The following MEIOC variants were observed in gnomAD, a reference collection of about 807,000 sequenced individuals.
The protein encoded by MEIOC is meiosis specific with coiled-coil domain.
MEIOC carries 9 observed loss-of-function variants against 85.3 expected under a neutral mutation model. The observed-to-expected ratio is 0.11, with a 90% CI of 0.06 to 0.18. The LOEUF (loss-of-function observed/expected upper bound fraction) is 0.18, where lower values mean the gene tolerates loss of function less well. Ranked by LOEUF, MEIOC falls within the 10% of genes least tolerant of loss-of-function variation. The pLI, the probability that MEIOC is intolerant of heterozygous loss-of-function variation, is 1.00. For synonymous variants in MEIOC, 365 were observed against 393.7 expected (o/e 0.93, Z 0.86); for missense variants, 898 against 1,129.4 (o/e 0.80, Z 2.94).
At chr17:44,672,645 C>A (rs979355917) in intron 6 of MEIOC, among the ~76,000 whole-genome samples, 2 of 152,168 alleles carry the variant, frequency 1.3e-5, no homozygotes, top group Admixed American at 6.5e-5. Context: ...TCAAAAAGTT[C>A]TCTTTCCATA....
At chr17:44,673,052 CTTAT>C (rs1972033008) in intron 6 of MEIOC, 1 of 234,032 alleles carries the variant, frequency 4.3e-6, no homozygotes, top group Non-Finnish European at 8.2e-6. Flanking sequence ...AGGCTGGTCT[CTTAT>C]TTGTCAAAAA....
rs1971923987 is a variant in MEIOC, at chr17:44,667,342, T to C, written c.1431T>C (p.Thr477=). The C allele has an allele frequency of 1.9e-6, 3 of 1,613,870 alleles. No individual in the cohort carries two copies. Among genetic ancestry groups the C allele is most frequent in the Non-Finnish European group, 2.5e-6 (3 of 1,179,854 alleles). ...SSGGINLNRP[T]WMNVQTKNNT... ...GAGGTATCAATTTAAACAGACCAAC[T>C]TGGATGAATGTTCAAACAAAAAATA... Residue 477 remains threonine (T), a synonymous_variant, in exon 5 of 8, where the codon ACT becomes ACC. Transcript: ENST00000409122.
intron 2 of MEIOC, among the ~76,000 whole-genome samples, chr17:44,661,704 A>G (rs1261497180): frequency 1.3e-5 from 2 of 151,858 alleles, no homozygotes; most frequent in Non-Finnish European, 2.9e-5. Flanking sequence ...GGCGCCCATC[A>G]CCACCACAGC....
chr17:44,669,645 A>G (rs1971971109), intron 6 of MEIOC, 128 bp downstream of exon 6: 1 of 874,876 alleles, frequency 1.1e-6, no homozygotes, highest in Admixed American at 2.4e-5. Flanking sequence ...AGATCACCTG[A>G]AGTCAGGAGT....
In MEIOC at chr17:44,675,528, G is replaced by T; in HGVS notation, c.*1332G>T. 1.0e-6 allele frequency: 1 copy of T among 972,012 alleles called. No individual in the cohort carries two copies. Among genetic ancestry groups the T allele is most frequent in the African/African-American group, 1.8e-5 (1 of 57,038 alleles). The allele number at this position is 972,012 out of a possible 1,614,324, so 60.2% of individuals were successfully genotyped here. On this transcript the variant is annotated 3_prime_UTR_variant, in exon 8 of 8. Coordinates refer to ENST00000409122, the MANE Select transcript of MEIOC (RefSeq NM_001145080.3). ...TTCTGGTATTAAAAAAAAAAAGAGT[G>T]TAATCATACCACATAAATTTTCTTT...
downstream of MEIOC, chr17:44,677,055 A>G (rs932987299): frequency 8.5e-6 from 5 of 588,648 alleles, no homozygotes; most frequent in African/African-American, 1.0e-4. Context: ...GACCGTGGAT[A>G]TAACCTGACT....
rs1971912108 is a variant in MEIOC at position 44,666,878 on chromosome 17, G to A, written c.967G>A (p.Val323Ile). 1 of 1,608,670 alleles carries A rather than the reference G, an allele frequency of 6.2e-7. No individual in the cohort carries two copies. Among genetic ancestry groups the A allele is most frequent in the Non-Finnish European group, 8.5e-7 (1 of 1,176,980 alleles). Reference protein sequence around the residue: ...LSQFNRYNENVDYCRYPEYVH... With the variant: ...LSQFNRYNENIDYCRYPEYVH... The stretch of plus-strand genomic sequence containing the variant: ...TCAATTTAATAGATACAATGAAAAT[G>A]TAGATTATTGTAGATACCCAGAGTA... The change falls in exon 5 of 8, where the codon GTA (valine) becomes ATA (isoleucine). Residue 323 changes from valine to isoleucine, a missense_variant. Val to Ile is a conservative substitution (Grantham distance 29). Coordinates refer to ENST00000409122, the MANE Select transcript of MEIOC (RefSeq NM_001145080.3).
In MEIOC at chr17:44,669,469, A is replaced by G. The variant is rs1406636291; in HGVS notation, c.2409A>G (p.Pro803=). 4 of 1,558,050 alleles carry G rather than the reference A, an allele frequency of 2.6e-6. No individual in the cohort carries two copies. The change falls in exon 6 of 8, where the codon CCA becomes CCG. Residue 803 remains proline, a synonymous_variant. Coordinates refer to ENST00000409122, the MANE Select transcript of MEIOC (RefSeq NM_001145080.3). ...NTPVPRLTSN[P]SRVDRLIVDE... ...CAGTTCCAAGGCTGACTTCCAACCC[A>G]TCTAGAGTTGATCGCTTAATTGTGG...
intron 3 of MEIOC, among the ~76,000 whole-genome samples, chr17:44,663,820 C>G (rs534377396): frequency 1.6e-4 from 24 of 152,010 alleles, no homozygotes; most frequent in African/African-American, 5.6e-4. Context: ...ATTGGACTTA[C>G]AGGGAGACTA....
intron 3 of MEIOC, chr17:44,665,141 A>C: frequency 6.8e-6 from 7 of 1,035,520 alleles, no homozygotes; most frequent in Middle Eastern, 4.6e-4. Context: ...ATAAGAGGTA[A>C]GCATGCACTG....
Position 44,667,439 on chromosome 17 carries a change from G to T in MEIOC, c.1528G>T (p.Gly510Cys). 2 of 1,613,406 alleles carry T rather than the reference G, an allele frequency of 1.2e-6. No individual in the cohort carries two copies. The highest frequency in any genetic ancestry group is 1.7e-6 in the Non-Finnish European group (2 of 1,179,674). The change falls in exon 5 of 8, where the codon GGT becomes TGT. Residue 510 changes from glycine to cysteine, a missense_variant. Coordinates refer to ENST00000409122, the MANE Select transcript of MEIOC (RefSeq NM_001145080.3). ...LNSHLSAASK[G>C]SNHSSDFPQL... ...TAGTCATTTAAGTGCAGCTTCAAAA[G>T]GTTCTAACCATTCTTCAGATTTCCC...
chr17:44,668,289 T>A (rs1475870438), intron 5 of MEIOC, 56 bp downstream of exon 5: 8 of 1,450,556 alleles, frequency 5.5e-6, no homozygotes, highest in Non-Finnish European at 7.5e-6. Flanking sequence ...CCTGTCTTCA[T>A]TCTGTTTACC....
At position 44,657,121 on chromosome 17, in the gene MEIOC, C is replaced by G. The variant is rs1036074116; in HGVS notation, c.70-6C>G. The stretch of plus-strand genomic sequence containing the variant: ...TTCTGATATTTCCTATTCCCGTGTG[C>G]TGCAGCCCAAAGTCGCGTTCCCCGG... On this transcript the variant is annotated splice_polypyrimidine_tract_variant and splice_region_variant and intron_variant, in intron 1 of 7. Transcript: ENST00000409122. The G allele has an allele frequency of 1.0e-5, 16 of 1,548,230 alleles. No homozygotes were observed. The highest frequency in any genetic ancestry group is 1.4e-5 in the Non-Finnish European group (16 of 1,146,454).
At chr17:44,657,012 TGA>T (rs1971768459) in intron 1 of MEIOC, 113 bp from the exon 2 acceptor site, 2 of 1,274,360 alleles carry the variant, frequency 1.6e-6, no homozygotes, top group Admixed American at 2.3e-5. Flanking sequence ...TCGTGTCCTC[TGA>T]GAGGGTTCGG....
In MEIOC at chr17:44,666,468, T is replaced by C. The variant is rs754392856; in HGVS notation, c.557T>C (p.Ile186Thr). 7.6e-6 allele frequency: 12 copies of C among 1,575,076 alleles called. No homozygotes were observed. Among genetic ancestry groups the C allele is most frequent in the Non-Finnish European group, 1.7e-6 (2 of 1,158,840 alleles). The change falls in exon 5 of 8, where the codon ATA becomes ACA. Residue 186 changes from isoleucine to threonine, a missense_variant. Coordinates refer to ENST00000409122, the MANE Select transcript of MEIOC (RefSeq NM_001145080.3). ...HDLLTETKRP[I>T]DTVISQQAFY... Reference sequence around the variant, plus strand: ...CTCTTAACAGAAACCAAAAGGCCAATAGATACAGTCATCTCTCAGCAAGCT... The same window carrying C: ...CTCTTAACAGAAACCAAAAGGCCAACAGATACAGTCATCTCTCAGCAAGCT...
intron 5 of MEIOC, among the ~76,000 whole-genome samples, chr17:44,668,493 C>G (rs1359379506): frequency 6.6e-6 from 1 of 152,166 alleles, no homozygotes; most frequent in Non-Finnish European, 1.5e-5. Flanking sequence ...GCCACCATGC[C>G]TGGCTAATTT....
intron 5 of MEIOC, among the ~76,000 whole-genome samples, chr17:44,668,521 T>G (rs148470298): frequency 6.6e-6 from 1 of 152,078 alleles, no homozygotes. Context: ...TTGTAGACAT[T>G]AGGTTTCACT....
chr17:44,663,585 T>C (rs1971868508), intron 3 of MEIOC, among the ~76,000 whole-genome samples: 1 of 152,174 alleles, frequency 6.6e-6, no homozygotes, highest in Non-Finnish European at 1.5e-5. Flanking sequence ...TCAAGCCTAT[T>C]CTCGCTTTTG....
At chr17:44,663,355 G>T (rs1971865853) in intron 3 of MEIOC, among the ~76,000 whole-genome samples, 1 of 151,992 alleles carries the variant, frequency 6.6e-6, no homozygotes, top group Admixed American at 6.6e-5. Flanking sequence ...GAGCCCTAAG[G>T]GAGTGACATC....
Sources: allele counts gnomAD v4.1 joint callset (sites outside exome capture counted in the v4.1 genomes callset), GRCh38; gene constraint gnomAD v4.1.1; transcripts MANE v1.5; gene names NCBI Gene and HGNC (gene_info 2026-07-23, HGNC 2026-07-21).